ASIC2: variants seen among roughly 807,000 people sequenced by gnomAD.
ASIC2 encodes acid sensing ion channel subunit 2.
ASIC2 carries 25 observed loss-of-function variants against 57.3 expected under a neutral mutation model. The ratio of observed to expected loss-of-function variants is 0.44; its 90% CI spans 0.32 to 0.61. The LOEUF (loss-of-function observed/expected upper bound fraction) is 0.61. Ranked by LOEUF, ASIC2 falls within the 20% of genes least tolerant of loss-of-function variation. The pLI, the probability that ASIC2 is intolerant of heterozygous loss-of-function variation, is 0.06. For missense variants in ASIC2, 641 were observed against 738.1 expected (o/e 0.87, Z 1.52); for synonymous variants, 319 against 307.5 (o/e 1.04, Z -0.39).
intron 1 of ASIC2, among the ~76,000 whole-genome samples, chr17:33,264,821 TAGGGTTCAAACAGTTAC>T: frequency 6.6e-6 from 1 of 152,346 alleles, no homozygotes; most frequent in South Asian, 2.1e-4. Context: ...GGTGTGAGTC[TAGGGTTCAAACAGTTAC>T]AGGGAAGGAC....
chr17:33,411,183 CTCTG>C (rs1305451607), intron 1 of ASIC2, among the ~76,000 whole-genome samples: 1 of 152,218 alleles, frequency 6.6e-6, no homozygotes, highest in East Asian at 1.9e-4. Flanking sequence ...GGCTGGCCAA[CTCTG>C]TCTGAGCTAG....
At position 33,746,649 on chromosome 17, in the gene ASIC2, C is replaced by T. The variant is rs114118838; in HGVS notation, c.555+409329G>A. Among the ~76,000 whole-genome samples, 1,422 of 151,932 alleles carry T rather than the reference C, an allele frequency of 9.4e-3. 29 individuals carry two copies. The highest frequency in any genetic ancestry group is 0.033 in the African/African-American group (1,372 of 41,438). On this transcript the variant is annotated intron_variant, in intron 1 of 9. Coordinates refer to the ASIC2 transcript ENST00000359872. ...AATGGTTAGAGGCTTTAATACCACA[C>T]TTTTAATAATGGATAGAACTCAAGG...
rs1040291589 is a variant in ASIC2 at position 34,044,122 on chromosome 17, ACACGCACG to A, written c.555+111848_555+111855del. On this transcript the variant is annotated intron_variant, in intron 1 of 9. Coordinates refer to the ASIC2 transcript ENST00000359872. ...GAATCACACACACACACACACACAC[ACACGCACG>A]CACACACACACACACACACCAAGAA... 1.4e-4 allele frequency among the ~76,000 whole-genome samples: 7 copies of A among 50,388 alleles called. No individual in the cohort carries two copies. In the East Asian group the frequency reaches 1.6e-3, roughly 11 times the overall value. The allele number at this position is 50,388 out of a possible 152,430, so 33.1% of individuals were successfully genotyped here. A position where few individuals can be genotyped will look rare whatever the true frequency, so the allele number is the denominator to read the frequency against.
At chr17:33,798,239 A>T (rs1418569835) in intron 1 of ASIC2, among the ~76,000 whole-genome samples, 1 of 152,198 alleles carries the variant, frequency 6.6e-6, no homozygotes, top group African/African-American at 2.4e-5. Context: ...AAAGGGAGAC[A>T]AATGGGATGA....
intron 1 of ASIC2, among the ~76,000 whole-genome samples, chr17:33,732,531 A>G (rs948767389): frequency 6.8e-6 from 1 of 147,922 alleles, no homozygotes; most frequent in African/African-American, 2.5e-5. Context: ...TTAAGACGTA[A>G]TCTTGCTCTA....
At chr17:33,969,073 T>C (rs1905150855) in intron 1 of ASIC2, among the ~76,000 whole-genome samples, 1 of 152,160 alleles carries the variant, frequency 6.6e-6, no homozygotes, top group Non-Finnish European at 1.5e-5. Flanking sequence ...TAATTGATTC[T>C]GGAGTGGGGT....
At position 33,112,072 on chromosome 17, in the gene ASIC2, A is replaced by C; in HGVS notation, c.709-5T>G. 6.2e-7 allele frequency: 1 copy of C among 1,611,614 alleles called. No individual in the cohort carries two copies. The highest frequency in any genetic ancestry group is 2.2e-5 in the East Asian group (1 of 44,766). Reference sequence around the variant, plus strand: ...CTTCCCATATTTTGTAAACACCTGAAGGAGAGAAGAGAGAGAGAGAGAGAA... The same window carrying C: ...CTTCCCATATTTTGTAAACACCTGACGGAGAGAAGAGAGAGAGAGAGAGAA... On this transcript the variant is annotated splice_polypyrimidine_tract_variant and splice_region_variant and intron_variant, in intron 1 of 9. Coordinates refer to ENST00000225823, the MANE Select transcript of ASIC2 (RefSeq NM_183377.2).
chr17:33,525,427 A>C (rs1258831453), intron 1 of ASIC2, among the ~76,000 whole-genome samples: 1 of 152,116 alleles, frequency 6.6e-6, no homozygotes, highest in African/African-American at 2.4e-5. Flanking sequence ...CAGATGAGTG[A>C]GCTTTGTTCT....
At chr17:33,662,934 C>T (rs1043863854) in intron 1 of ASIC2, among the ~76,000 whole-genome samples, 1 of 152,116 alleles carries the variant, frequency 6.6e-6, no homozygotes, top group South Asian at 2.1e-4. Flanking sequence ...CAAAAGGGTT[C>T]GTATTCAACC....
chr17:33,834,705 G>A (rs919797139), intron 1 of ASIC2: 1 of 152,204 alleles, frequency 6.6e-6, no homozygotes, highest in Non-Finnish European at 1.5e-5. Flanking sequence ...TTTTTAGAAA[G>A]ACATTAAATA....
chr17:33,084,337 T>C (rs188515279), intron 3 of ASIC2, among the ~76,000 whole-genome samples: 96 of 152,324 alleles, frequency 6.3e-4, no homozygotes, highest in African/African-American at 2.1e-3. Flanking sequence ...TCCACAGTAC[T>C]GAGTAGCCTT....
rs59090460 is a variant in ASIC2, at chr17:33,391,092, C to G, written c.556-279025G>C. Among the ~76,000 whole-genome samples, 984 of 152,300 alleles carry G rather than the reference C, an allele frequency of 6.5e-3. 18 individuals carry two copies. The highest frequency in any genetic ancestry group is 0.023 in the African/African-American group (945 of 41,568). On this transcript the variant is annotated intron_variant, in intron 1 of 9. Transcript: ENST00000359872. Reference sequence around the variant, plus strand: ...CCTTAATCTTCTCCTAACAATGTCCCAGATTCTGATTTGCTGCTCAGAATA... The same window carrying G: ...CCTTAATCTTCTCCTAACAATGTCCGAGATTCTGATTTGCTGCTCAGAATA...
intron 1 of ASIC2, among the ~76,000 whole-genome samples, chr17:33,137,204 T>A (rs2142013403): frequency 6.6e-6 from 1 of 152,370 alleles, no homozygotes; most frequent in South Asian, 2.1e-4. Context: ...TTCTATGAGA[T>A]GCTTAAAGGA....
At chr17:33,488,779 G>T (rs1913658003) in intron 1 of ASIC2, among the ~76,000 whole-genome samples, 2 of 152,056 alleles carry the variant, frequency 1.3e-5, no homozygotes, top group South Asian at 4.2e-4. Context: ...GGAGTTTTAG[G>T]CATCTCCCAC....
chr17:33,261,594 G>C (rs1454501065), intron 1 of ASIC2, among the ~76,000 whole-genome samples: 1 of 152,162 alleles, frequency 6.6e-6, no homozygotes, highest in East Asian at 1.9e-4. Flanking sequence ...AATCATAACA[G>C]CTGAGAGGCA....
At chr17:33,992,183 A>G (rs1465539722) in intron 1 of ASIC2, among the ~76,000 whole-genome samples, 1 of 152,190 alleles carries the variant, frequency 6.6e-6, no homozygotes, top group Non-Finnish European at 1.5e-5. Context: ...TAACTGATGG[A>G]ATCATCTGTA....
At chr17:33,322,520 A>G (rs1906909766) in intron 1 of ASIC2, among the ~76,000 whole-genome samples, 1 of 152,106 alleles carries the variant, frequency 6.6e-6, no homozygotes. Flanking sequence ...AGAATTCTTG[A>G]CCTCTGCCTT....
intron 2 of ASIC2, among the ~76,000 whole-genome samples, chr17:33,103,072 A>T (rs141244331): frequency 2.2e-4 from 33 of 152,276 alleles, no homozygotes; most frequent in African/African-American, 4.8e-4. Context: ...CCTGAGCCAC[A>T]GCACCCGGCC....
intron 1 of ASIC2, among the ~76,000 whole-genome samples, chr17:33,323,287 C>T (rs1349225002): frequency 6.6e-6 from 1 of 152,158 alleles, no homozygotes; most frequent in African/African-American, 2.4e-5. Context: ...GCTGAGGTGA[C>T]CTTCCATGCA....
Sources: allele counts gnomAD v4.1 joint callset (sites outside exome capture counted in the v4.1 genomes callset), GRCh38; gene constraint gnomAD v4.1.1; transcripts MANE v1.5; gene names NCBI Gene and HGNC (gene_info 2026-07-23, HGNC 2026-07-21).